The following RBFOX1 variants were observed in gnomAD, a reference collection of about 807,000 sequenced individuals.
RBFOX1 encodes the protein RNA binding protein fox-1 homolog 1.
Under a neutral mutation model 57.7 loss-of-function variants are expected in RBFOX1, and 8 were observed. The ratio of observed to expected loss-of-function variants is 0.14; its 90% confidence interval spans 0.08 to 0.25. The LOEUF (loss-of-function observed/expected upper bound fraction) is 0.25, where lower values mean the gene tolerates loss of function less well. Among genes scored for constraint, RBFOX1 ranks in the 10% least tolerant of loss-of-function variants. The pLI is 1.00. For missense variants in RBFOX1, 611 were observed against 548.5 expected (o/e 1.11, Z -1.14); for synonymous variants, 326 against 222.4 (o/e 1.47, Z -4.15).
chr16:6,006,140 T>G (rs2094925774), intron 4 of RBFOX1, among the ~76,000 whole-genome samples: 3 of 152,230 alleles, frequency 2.0e-5, no homozygotes, highest in South Asian at 4.1e-4. Context: ...CTTGGCTGTT[T>G]AGCATCTGTA....
chr16:7,628,460 C>G lies in RBFOX1; in HGVS notation c.677-2143C>G, dbSNP rs79637628. 5.0e-3 allele frequency among the ~76,000 whole-genome samples: 759 copies of G among 152,228 alleles called. 6 individuals carry two copies. The highest frequency in any genetic ancestry group is 0.016 in the African/African-American group (681 of 41,524). On this transcript the variant is annotated intron_variant, in intron 10 of 15. Transcript: ENST00000550418. The stretch of plus-strand genomic sequence containing the variant: ...CTGTAGAGGGGACTAACTGTCTTTC[C>G]TGGTAGGTAGCTTGCCTCCCCTTGC...
chr16:5,753,545 C>G (rs1454072729), intron 3 of RBFOX1, among the ~76,000 whole-genome samples: 1 of 152,206 alleles, frequency 6.6e-6, no homozygotes, highest in Non-Finnish European at 1.5e-5. Flanking sequence ...GACCTCTCCT[C>G]CAGTGGTGTG....
At chr16:7,002,585 A>G (rs1247425864) in intron 3 of RBFOX1, among the ~76,000 whole-genome samples, 1 of 152,006 alleles carries the variant, frequency 6.6e-6, no homozygotes, top group African/African-American at 2.4e-5. Context: ...GGTGGCATGC[A>G]CATGTCATCC....
At chr16:5,605,741 A>T (rs755972506) in intron 3 of RBFOX1, among the ~76,000 whole-genome samples, 1 of 151,774 alleles carries the variant, frequency 6.6e-6, no homozygotes, top group Non-Finnish European at 1.5e-5. Flanking sequence ...CATTAATTTA[A>T]TAATGTCTGC....
In RBFOX1 at chr16:6,843,767, A is replaced by G. The variant is rs141422159; in HGVS notation, c.-16+189117A>G. ...ATAAATTAAGTTAGTAGATTTAGGA[A>G]CGTATCCTTCACTATTCTGTTCCAT... On this transcript the variant is annotated intron_variant, in intron 3 of 15. Coordinates refer to ENST00000550418, the MANE Select transcript of RBFOX1 (RefSeq NM_018723.4). 4.4e-3 allele frequency among the ~76,000 whole-genome samples: 673 copies of G among 152,302 alleles called. 5 individuals are homozygous for G. The highest frequency in any genetic ancestry group is 0.017 in the Middle Eastern group (5 of 294).
chr16:7,231,641 T>A (rs1427583156), intron 4 of RBFOX1, among the ~76,000 whole-genome samples: 1 of 152,138 alleles, frequency 6.6e-6, no homozygotes, highest in Admixed American at 6.5e-5. Context: ...ACAACCCAAA[T>A]GCCTATCAAT....
chr16:6,417,343 C>G (rs1270783373), intron 2 of RBFOX1, among the ~76,000 whole-genome samples: 2 of 151,310 alleles, frequency 1.3e-5, no homozygotes, highest in African/African-American at 4.9e-5. Flanking sequence ...TCCATCGGCC[C>G]TCTCTACTGA....
intron 3 of RBFOX1, among the ~76,000 whole-genome samples, chr16:6,738,575 AG>A (rs1369433524): frequency 2.0e-5 from 3 of 152,248 alleles, no homozygotes; most frequent in African/African-American, 7.2e-5. Flanking sequence ...AACAATTTAT[AG>A]AATGACTGTA....
rs559683311 is a variant in RBFOX1 at position 6,247,635 on chromosome 16, C to A, written c.-126-69360C>A. Among the ~76,000 whole-genome samples, 48 of 152,226 alleles carry A rather than the reference C, an allele frequency of 3.2e-4. No homozygotes were observed. In the Middle Eastern group the frequency reaches 0.014, roughly 43 times the overall value. On this transcript the variant is annotated intron_variant, in intron 1 of 15. Transcript: ENST00000550418. ...ACCCTACAGGAGTCATAGTTATTAT[C>A]TCTGTATCAGAGATACAAACACTAG...
intron 3 of RBFOX1, among the ~76,000 whole-genome samples, chr16:5,653,301 C>T (rs2049308473): frequency 7.1e-6 from 1 of 141,416 alleles, no homozygotes; most frequent in Admixed American, 7.0e-5. Flanking sequence ...TGCTGGGCTT[C>T]AGTGCAGAAG....
intron 2 of RBFOX1, among the ~76,000 whole-genome samples, chr16:5,579,505 C>A (rs903090113): frequency 6.6e-6 from 1 of 152,118 alleles, no homozygotes; most frequent in Non-Finnish European, 1.5e-5. Context: ...CTTGCTTCAA[C>A]CCTCCTGCTG....
intron 4 of RBFOX1, among the ~76,000 whole-genome samples, chr16:7,245,605 T>G (rs1228098216): frequency 6.6e-6 from 1 of 152,228 alleles, no homozygotes; most frequent in Non-Finnish European, 1.5e-5. Flanking sequence ...TTCTGAGAGG[T>G]TAAACTTTTG....
At chr16:7,346,482 C>T (rs1048568920) in intron 4 of RBFOX1, among the ~76,000 whole-genome samples, 2 of 152,060 alleles carry the variant, frequency 1.3e-5, no homozygotes, top group African/African-American at 4.8e-5. Context: ...GGCTTCACAC[C>T]TTCCTCCCAT....
At chr16:7,192,727 G>A (rs2085729350) in intron 4 of RBFOX1, among the ~76,000 whole-genome samples, 1 of 152,176 alleles carries the variant, frequency 6.6e-6, no homozygotes, top group African/African-American at 2.4e-5. Flanking sequence ...GAGTGACTGG[G>A]TGAGAGACCC....
At chr16:6,631,288 T>C (rs945860901) in intron 2 of RBFOX1, among the ~76,000 whole-genome samples, 1 of 152,032 alleles carries the variant, frequency 6.6e-6, no homozygotes, top group Non-Finnish European at 1.5e-5. Context: ...GGTGAGTGTG[T>C]GTGTGTGTAC....
rs1011876509 is a variant in RBFOX1 at position 5,893,605 on chromosome 16, G to A, written c.351+26270G>A. ...GTGGATCACCTGAGGTCAGGGGTTC[G>A]AGACCAACCTGGCCAACGTGGCAAA... On this transcript the variant is annotated intron_variant, in intron 4 of 19. Coordinates refer to the RBFOX1 transcript ENST00000641259. Among the ~76,000 whole-genome samples, 40 of 152,208 alleles carry A rather than the reference G, an allele frequency of 2.6e-4. 1 individual carries two copies. The highest frequency in any genetic ancestry group is 7.4e-5 in the Non-Finnish European group (5 of 68,010).
intron 1 of RBFOX1, among the ~76,000 whole-genome samples, chr16:5,455,029 CTCTG>C (rs202134434): frequency 0.15 from 12,591 of 84,112 alleles, 1,432 homozygotes; most frequent in East Asian, 0.22. Context: ...CTTTCTCTCT[CTCTG>C]TCTGTCTCTC....
intron 1 of RBFOX1, among the ~76,000 whole-genome samples, chr16:6,073,098 CT>C (rs1401149976): frequency 6.6e-6 from 1 of 152,142 alleles, no homozygotes; most frequent in Non-Finnish European, 1.5e-5. Flanking sequence ...TAATGAATTT[CT>C]TTACCAGTGT....
chr16:6,216,796 T>C (rs2097338554), intron 1 of RBFOX1, among the ~76,000 whole-genome samples: 1 of 152,214 alleles, frequency 6.6e-6, no homozygotes, highest in Non-Finnish European at 1.5e-5. Context: ...CTCACGTATA[T>C]GCCTCCGAAT....
Sources: gnomAD v4.1 joint callset for allele counts (sites outside exome capture counted in the v4.1 genomes callset) on GRCh38, gnomAD v4.1.1 for gene constraint, MANE v1.5 for transcripts, NCBI Gene and HGNC (gene_info 2026-07-23, HGNC 2026-07-21) for gene names.